Variants in CTH observed in about 807,000 individuals in gnomAD.
The protein encoded by CTH is cystathionase (cystathionine gamma-lyase).
Under a neutral mutation model 50.6 loss-of-function variants are expected in CTH, and 41 were observed. The observed-to-expected ratio is 0.81, with a 90% confidence interval of 0.63 to 1.05. The LOEUF is 1.05. Among genes scored for constraint, CTH ranks in the 50% least tolerant of loss-of-function variants. CTH has a pLI of 0.00. For synonymous variants in CTH, 156 were observed against 168.9 expected (o/e 0.92, Z 0.59); for missense variants, 470 against 492.6 (o/e 0.95, Z 0.43).
intron 10 of CTH, among the ~76,000 whole-genome samples, chr1:70,436,978 G>A (rs1281971620): frequency 1.3e-5 from 2 of 152,140 alleles, no homozygotes; most frequent in African/African-American, 4.8e-5. Context: ...TTAGGTCAGG[G>A]CTTGTCTGTT....
intron 1 of CTH, among the ~76,000 whole-genome samples, chr1:70,413,552 C>T (rs1042119628): frequency 7.3e-5 from 11 of 151,576 alleles, no homozygotes; most frequent in African/African-American, 1.9e-4. Context: ...GTGTGAGCCA[C>T]GGCGCCCGGC....
chr1:70,435,047 G>A, intron 9 of CTH, 78 bp from the exon 10 acceptor site: 2 of 1,367,450 alleles, frequency 1.5e-6, no homozygotes, highest in Non-Finnish European at 2.0e-6. Context: ...CACTGTGCCT[G>A]GCCTAAAAAC....
At chr1:70,428,777 AT>A (rs576584907) in intron 5 of CTH, among the ~76,000 whole-genome samples, 1 of 151,578 alleles carries the variant, frequency 6.6e-6, no homozygotes, top group Non-Finnish European at 1.5e-5. Context: ...TGCTCAGCTA[AT>A]TTTTTTGTAT....
intron 1 of CTH, among the ~76,000 whole-genome samples, chr1:70,415,049 T>G (rs147889380): frequency 1.9e-3 from 293 of 152,268 alleles, no homozygotes; most frequent in African/African-American, 6.7e-3. Flanking sequence ...AGAGCCAAGA[T>G]GTGAATGAAT....
intron 8 of CTH, among the ~76,000 whole-genome samples, chr1:70,433,409 T>G (rs565284861): frequency 1.2e-3 from 188 of 152,286 alleles, no homozygotes; most frequent in African/African-American, 4.3e-3. Context: ...TTCAAGAAAT[T>G]TTTATTAAAC....
chr1:70,434,977 C>T, intron 9 of CTH, 148 bp from the exon 10 acceptor site: 1 of 571,156 alleles, frequency 1.8e-6, no homozygotes, highest in Non-Finnish European at 3.0e-6. Flanking sequence ...GTCTCGAACT[C>T]CTGACCTCGG....
At position 70,439,112 on chromosome 1, in the gene CTH, T is replaced by C. The variant is rs774050972; in HGVS notation, c.1203T>C (p.Ser401=). The C allele has an allele frequency of 4.0e-5, 65 of 1,612,366 alleles. No individual in the cohort carries two copies. Among genetic ancestry groups the C allele is most frequent in the East Asian group, 6.7e-5 (3 of 44,856 alleles). ...DQALKAAHPP[S]GSHS ...CACTGTTATTATAGCACCCTCCAAGTGGAAGTCACAGCTAGTATTCCAGAG... is the reference window on the plus strand; with the variant it reads ...CACTGTTATTATAGCACCCTCCAAGCGGAAGTCACAGCTAGTATTCCAGAG... The change falls in exon 12 of 12, where the codon AGT becomes AGC. Residue 401 remains serine (S), a synonymous_variant. Transcript: ENST00000370938.
At position 70,411,355 on chromosome 1, in the gene CTH, C is replaced by A; in HGVS notation, c.-61C>A. Reference sequence around the variant, plus strand: ...TTCTGTCTCTCCCAACCCCGGACACCCGGCTTCGACTGGTTATATCTTCGG... The same window carrying A: ...TTCTGTCTCTCCCAACCCCGGACACACGGCTTCGACTGGTTATATCTTCGG... On this transcript the variant is annotated 5_prime_UTR_variant, in exon 1 of 12. Coordinates refer to ENST00000370938, the MANE Select transcript of CTH (RefSeq NM_001902.6). 2 of 1,591,026 alleles carry A rather than the reference C, an allele frequency of 1.3e-6. No homozygotes were observed.
chr1:70,411,440 C>T lies in CTH; in HGVS notation c.25C>T (p.Gln9Ter). ...CATGCAGGAAAAAGACGCCTCCTCA[C>T]AAGGTTTCCTGCCACACTTCCAACA... MQEKDASS[Q>*]GFLPHFQHFA... Residue 9 changes from glutamine to a stop codon, truncating the protein, a stop_gained, in exon 1 of 12, where the codon CAA (glutamine) becomes TAA (stop). Coordinates refer to ENST00000370938, the MANE Select transcript of CTH (RefSeq NM_001902.6). LOFTEE classifies it high-confidence loss of function. 1 of 1,614,136 alleles carries T rather than the reference C, an allele frequency of 6.2e-7. No homozygotes were observed. The highest frequency in any genetic ancestry group is 8.5e-7 in the Non-Finnish European group (1 of 1,179,984).
intron 3 of CTH, among the ~76,000 whole-genome samples, chr1:70,420,501 C>T (rs370914234): frequency 6.6e-6 from 1 of 152,112 alleles, no homozygotes; most frequent in African/African-American, 2.4e-5. Flanking sequence ...CTGTGAGAAT[C>T]TGATGCTGCC....
chr1:70,412,221 C>CT (rs1321215077), intron 1 of CTH, among the ~76,000 whole-genome samples: 5 of 152,196 alleles, frequency 3.3e-5, no homozygotes, highest in African/African-American at 4.8e-5. Context: ...GAACCAACTC[C>CT]TAGGCACTCA....
In CTH at chr1:70,415,974, T is replaced by C; in HGVS notation, c.187T>C (p.Ser63Pro). 1 of 1,609,824 alleles carries C rather than the reference T, an allele frequency of 6.2e-7. No individual in the cohort carries two copies. Among genetic ancestry groups the C allele is most frequent in the Non-Finnish European group, 8.5e-7 (1 of 1,176,066 alleles). The stretch of plus-strand genomic sequence containing the variant: ...TTTTCAGGGTTTTGAATATAGCCGT[T>C]CTGGAAATCCCACTAGGAATTGCCT... ...GQHSGFEYSR[S>P]GNPTRNCLEK... Residue 63 changes from serine (S) to proline (P), a missense_variant, in exon 2 of 12, where the codon TCT (serine) becomes CCT (proline). Physicochemically the swap from Ser to Pro is moderately conservative, Grantham distance 74. Transcript: ENST00000370938.
At chr1:70,418,714 C>T (rs1040389711) in intron 3 of CTH, among the ~76,000 whole-genome samples, 2 of 152,162 alleles carry the variant, frequency 1.3e-5, no homozygotes, top group Non-Finnish European at 2.9e-5. Context: ...ACTCAGGTTA[C>T]TCTCAAGAGT....
In CTH at chr1:70,417,981, C is replaced by T. The variant is rs1684130122; in HGVS notation, c.295C>T (p.His99Tyr). ...TTTAGCAGCCACTGTAACTATTACC[C>T]ATCTTTTAAAAGCAGGAGACCAAAT... ...SGLAATVTIT[H>Y]LLKAGDQIIC... The change falls in exon 3 of 12, where the codon CAT (histidine) becomes TAT (tyrosine). Residue 99 changes from histidine (H) to tyrosine (Y), a missense_variant. His to Tyr is a moderately conservative substitution (Grantham distance 83). Transcript: ENST00000370938. The T allele has an allele frequency of 1.2e-6, 2 of 1,614,044 alleles. No homozygotes were observed. The highest frequency in any genetic ancestry group is 8.5e-7 in the Non-Finnish European group (1 of 1,179,990).
At chr1:70,421,000 A>C (rs1225629106) in intron 3 of CTH, among the ~76,000 whole-genome samples, 3 of 152,122 alleles carry the variant, frequency 2.0e-5, no homozygotes, top group African/African-American at 7.2e-5. Flanking sequence ...TGTAAAAATC[A>C]AATCTAGGTG....
At chr1:70,426,599 C>A (rs554584978) in intron 5 of CTH, among the ~76,000 whole-genome samples, 2 of 152,354 alleles carry the variant, frequency 1.3e-5, no homozygotes, top group South Asian at 4.1e-4. Flanking sequence ...CTGAAGCACA[C>A]TTCCTGGCTA....
intron 1 of CTH, among the ~76,000 whole-genome samples, chr1:70,413,229 A>G (rs72680732): frequency 0.096 from 14,633 of 151,934 alleles, 1,043 homozygotes; most frequent in East Asian, 0.38. Flanking sequence ...TTAGAATCAA[A>G]ATATGTACAC....
At chr1:70,417,810 G>A in intron 2 of CTH, 127 bp from the exon 3 acceptor site, 2 of 868,984 alleles carry the variant, frequency 2.3e-6, no homozygotes, top group Non-Finnish European at 3.8e-6. Context: ...TATTAATCAG[G>A]GGCCTCTAGC....
intron 1 of CTH, among the ~76,000 whole-genome samples, chr1:70,414,930 C>T (rs570937667): frequency 8.0e-4 from 122 of 152,208 alleles, no homozygotes; most frequent in African/African-American, 2.7e-3. Context: ...AGCAATTCTC[C>T]TGCCTCAGCC....
Sources: gnomAD v4.1 joint callset for allele counts (sites outside exome capture counted in the v4.1 genomes callset) on GRCh38, gnomAD v4.1.1 for gene constraint, MANE v1.5 for transcripts, NCBI Gene and HGNC (gene_info 2026-07-23, HGNC 2026-07-21) for gene names.